HDAC4: variants seen among roughly 807,000 people sequenced by gnomAD.
HDAC4 encodes the protein histone deacetylase A.
HDAC4 carries 16 observed loss-of-function variants against 135.1 expected under a neutral mutation model. The ratio of observed to expected loss-of-function variants is 0.12; its 90% CI spans 0.08 to 0.18. The LOEUF is 0.18. Ranked by LOEUF, HDAC4 falls within the 10% of genes least tolerant of loss-of-function variation. The pLI is 1.00. For missense variants in HDAC4, 1,143 were observed against 1,511.8 expected (o/e 0.76, Z 4.05); for synonymous variants, 685 against 653.4 (o/e 1.05, Z -0.74).
chr2:239,372,655 G>A lies in HDAC4; in HGVS notation c.-219-19737C>T, dbSNP rs142647488. Among the ~76,000 whole-genome samples the A allele has an allele frequency of 7.1e-3, 1,081 of 152,362 alleles. 14 individuals are homozygous for A. Among genetic ancestry groups the A allele is most frequent in the African/African-American group, 0.024 (990 of 41,576 alleles). ...ACGCGGCAACACGCACAAGCAAGCA[G>A]TTTATACACAGCGACAGAACAGACA... On this transcript the variant is annotated intron_variant, in intron 1 of 26. Transcript: ENST00000543185.
intron 2 of HDAC4, among the ~76,000 whole-genome samples, chr2:239,260,929 C>T (rs932538075): frequency 6.6e-6 from 1 of 152,132 alleles, no homozygotes; most frequent in Admixed American, 6.5e-5. Flanking sequence ...ACCCAGCTTC[C>T]TACGTGGAAG....
At chr2:239,248,076 T>G (rs12617837) in intron 2 of HDAC4, among the ~76,000 whole-genome samples, 3 of 152,028 alleles carry the variant, frequency 2.0e-5, no homozygotes, top group Non-Finnish European at 4.4e-5. Context: ...AGGCTGACCC[T>G]GCCAGCAGCT....
At chr2:239,395,878 G>A (rs536932664) in intron 1 of HDAC4, among the ~76,000 whole-genome samples, 3 of 152,348 alleles carry the variant, frequency 2.0e-5, no homozygotes, top group South Asian at 2.1e-4. Flanking sequence ...ATGTAGAACT[G>A]TGGGGACAAG....
intron 19 of HDAC4, among the ~76,000 whole-genome samples, chr2:239,087,291 A>T (rs2036068374): frequency 6.6e-6 from 1 of 152,216 alleles, no homozygotes; most frequent in African/African-American, 2.4e-5. Flanking sequence ...CTACTCAACA[A>T]CCAGAGGCTT....
rs2049452260 is a variant in HDAC4, at chr2:239,262,797, A to G, written c.23-26133T>C. Among the ~76,000 whole-genome samples the G allele has an allele frequency of 1.3e-5, 2 of 152,232 alleles. No individual in the cohort carries two copies. The highest frequency in any genetic ancestry group is 4.8e-5 in the African/African-American group (2 of 41,474). On this transcript the variant is annotated intron_variant, in intron 2 of 26. Coordinates refer to ENST00000543185, the MANE Select transcript of HDAC4 (RefSeq NM_001378414.1). The surrounding 1 kb of genome is among the most constrained non-coding windows in gnomAD (Gnocchi z 4.1). ...CGAGGAGGCCTGTGCTCAGGCACTA[A>G]GGACACGGAGGGACTGTTCTGGGAT...
chr2:239,366,706 C>G (rs1475187365), intron 1 of HDAC4, among the ~76,000 whole-genome samples: 1 of 152,166 alleles, frequency 6.6e-6, no homozygotes, highest in Admixed American at 6.5e-5. Flanking sequence ...AAACGCTGGG[C>G]TCAATGGATC....
At chr2:239,119,103 C>T (rs139201383) in intron 12 of HDAC4, among the ~76,000 whole-genome samples, 127 of 152,320 alleles carry the variant, frequency 8.3e-4, no homozygotes, top group African/African-American at 2.8e-3. Context: ...GGCACCCATA[C>T]GCTCAGTTCC....
intron 2 of HDAC4, among the ~76,000 whole-genome samples, chr2:239,302,363 G>C (rs1300058386): frequency 6.6e-6 from 1 of 152,200 alleles, no homozygotes; most frequent in African/African-American, 2.4e-5. Flanking sequence ...ACTCAAATTC[G>C]AATATTGCAG....
At chr2:239,133,740 T>C (rs1394737695) in intron 11 of HDAC4, among the ~76,000 whole-genome samples, 1 of 152,238 alleles carries the variant, frequency 6.6e-6, no homozygotes, top group Non-Finnish European at 1.5e-5. Flanking sequence ...CTGCTGGGAT[T>C]ACAGGTGTCA....
intron 3 of HDAC4, among the ~76,000 whole-genome samples, chr2:239,190,814 G>A (rs957627112): frequency 6.6e-6 from 1 of 152,222 alleles, no homozygotes; most frequent in Admixed American, 6.5e-5. Context: ...AGGAACAGAA[G>A]CTGAATCAAT....
intron 9 of HDAC4, among the ~76,000 whole-genome samples, chr2:239,136,470 TTGGCTATTGTGAAAGATCCA>T (rs2040964483): frequency 6.6e-6 from 1 of 152,214 alleles, no homozygotes; most frequent in South Asian, 2.1e-4. Flanking sequence ...ATTCGACCTC[TTGGCTATTGTGAAAGATCCA>T]TGGCTAAGAC....
At chr2:239,378,270 A>T (rs960239515) in intron 1 of HDAC4, among the ~76,000 whole-genome samples, 1 of 152,084 alleles carries the variant, frequency 6.6e-6, no homozygotes, top group African/African-American at 2.4e-5. Flanking sequence ...CCAGGCACAT[A>T]AAGTCCAGCG....
At chr2:239,185,518 A>AGT (rs2044491712) in intron 4 of HDAC4, among the ~76,000 whole-genome samples, 1 of 148,640 alleles carries the variant, frequency 6.7e-6, no homozygotes, top group African/African-American at 2.5e-5. Flanking sequence ...AGAGGTGCAC[A>AGT]GTGTGGGGGG....
chr2:239,248,184 CTTTTT>C (rs1252789584), intron 2 of HDAC4, among the ~76,000 whole-genome samples: 48 of 145,224 alleles, frequency 3.3e-4, no homozygotes, highest in Middle Eastern at 3.5e-3. Context: ...TCCTCTTGCA[CTTTTT>C]TTTTTTTTTG....
chr2:239,185,218 A>G (rs2044466762), intron 4 of HDAC4, among the ~76,000 whole-genome samples: 1 of 150,426 alleles, frequency 6.6e-6, no homozygotes, highest in Non-Finnish European at 1.5e-5. Flanking sequence ...TGTATCCCCC[A>G]TGGGGGTTGC....
chr2:239,220,872 G>C (rs1038500377), intron 3 of HDAC4, among the ~76,000 whole-genome samples: 1 of 152,170 alleles, frequency 6.6e-6, no homozygotes, highest in African/African-American at 2.4e-5. Context: ...AGAAAGTCCA[G>C]AGAGGTTGCA....
chr2:239,140,901 T>C (rs1390627448), intron 8 of HDAC4: 1 of 456,162 alleles, frequency 2.2e-6, no homozygotes, highest in African/African-American at 2.0e-5. Flanking sequence ...CTGCTGGAGG[T>C]GGTGACTCTG....
intron 11 of HDAC4, among the ~76,000 whole-genome samples, chr2:239,132,433 G>A (rs2040656750): frequency 6.6e-6 from 1 of 152,208 alleles, no homozygotes; most frequent in African/African-American, 2.4e-5. Flanking sequence ...GGGCTTGCAG[G>A]GTTTTGGAGG....
rs551839361 is a variant in HDAC4, at chr2:239,180,494, C to T, written c.340-3931G>A. On this transcript the variant is annotated intron_variant, in intron 4 of 26. Coordinates refer to ENST00000543185, the MANE Select transcript of HDAC4 (RefSeq NM_001378414.1). ...TCAAGATGAGACATGCCAGTCACCC[C>T]GCATGTCTGTGACCTGTGTGAAATT... is the stretch of plus-strand genomic sequence containing the variant. Among the ~76,000 whole-genome samples, 8 of 152,174 alleles carry T rather than the reference C, an allele frequency of 5.3e-5. No individual in the cohort carries two copies. The South Asian group carries it at 1.0e-3, about 20-fold the overall frequency.
Sources: gnomAD v4.1 joint callset for allele counts (sites outside exome capture counted in the v4.1 genomes callset) on GRCh38, gnomAD v4.1.1 for gene constraint, Gnocchi (gnomAD v3.1) non-coding constraint, MANE v1.5 for transcripts, NCBI Gene and HGNC (gene_info 2026-07-23, HGNC 2026-07-21) for gene names.